The following DNAH7 variants were observed in gnomAD, a reference collection of about 807,000 sequenced individuals.
DNAH7 encodes the protein dynein axonemal heavy chain 7.
Under a neutral mutation model 444.6 loss-of-function variants are expected in DNAH7, and 397 were observed. The ratio of observed to expected loss-of-function variants is 0.89; its 90% CI spans 0.82 to 0.97. The LOEUF (loss-of-function observed/expected upper bound fraction) is 0.97, where lower values mean the gene tolerates loss of function less well. Among genes scored for constraint, DNAH7 ranks in the 50% least tolerant of loss-of-function variants. The probability of loss-of-function intolerance (pLI) is 0.00; values close to 1 mark genes in which losing one functional copy is unlikely to be tolerated. For missense variants in DNAH7, 4,902 were observed against 4,800.8 expected, an observed-to-expected ratio of 1.02 and a Z score of -0.62; for synonymous variants, 1,636 against 1,624.4, an observed-to-expected ratio of 1.01 and a Z score of -0.17.
At chr2:195,824,541 A>T (rs1284903632) in intron 48 of DNAH7, 96 bp from the exon 49 acceptor site, 1 of 1,086,480 alleles carries the variant, frequency 9.2e-7, no homozygotes, top group Non-Finnish European at 1.3e-6. Flanking sequence ...CCTTATAGAT[A>T]AATTCTGTTC....
chr2:195,944,606 A>T (rs902069390), intron 19 of DNAH7, among the ~76,000 whole-genome samples: 7 of 152,034 alleles, frequency 4.6e-5, no homozygotes, highest in South Asian at 2.1e-4. Context: ...AGTTTTCACC[A>T]CCCCATGCTT....
At chr2:195,852,915 CAGAGAGAGAGAGAG>C (rs201538951) in intron 46 of DNAH7, among the ~76,000 whole-genome samples, 1 of 84,584 alleles carries the variant, frequency 1.2e-5, no homozygotes, top group Admixed American at 1.3e-4. Flanking sequence ...CACACACACA[CAGAGAGAGAGAGAG>C]AGAGAGAGAG....
chr2:195,992,404 C>A (rs1296122345), intron 12 of DNAH7, among the ~76,000 whole-genome samples: 1 of 152,190 alleles, frequency 6.6e-6, no homozygotes, highest in African/African-American at 2.4e-5. Context: ...CCCATGCACA[C>A]CCACACAAAG....
At chr2:195,900,543 C>G (rs571757182) in intron 27 of DNAH7, 49 bp from the exon 28 acceptor site, 2 of 1,552,436 alleles carry the variant, frequency 1.3e-6, no homozygotes, top group Non-Finnish European at 1.8e-6. Flanking sequence ...ATAAAATAAG[C>G]TAGGCATGGA....
At chr2:195,982,468 T>C (rs908696009) in intron 15 of DNAH7, among the ~76,000 whole-genome samples, 1 of 152,174 alleles carries the variant, frequency 6.6e-6, no homozygotes, top group Non-Finnish European at 1.5e-5. Context: ...GATCCAGCAA[T>C]CCCACTGCTG....
chr2:195,740,986 G>C lies in DNAH7; in HGVS notation c.11765-117C>G, dbSNP rs1259226382. 1.1e-5 allele frequency: 5 copies of C among 440,270 alleles called. No homozygotes were observed. The East Asian group carries it at 2.0e-4, about 18-fold the overall frequency. The allele number at this position is 440,270 out of a possible 1,614,324, so 27.3% of individuals were successfully genotyped here. A position where few individuals can be genotyped will look rare whatever the true frequency, so the allele number is the denominator to read the frequency against. ...AGGTGATACTAGATTTGCAGCCTAA[G>C]ATTTGTTCTCCAATGAAAGCAATCT... On this transcript the variant is annotated intron_variant, in intron 63 of 64. Transcript: ENST00000312428.
At chr2:196,022,395 G>C (rs1695436939) in intron 8 of DNAH7, among the ~76,000 whole-genome samples, 3 of 152,122 alleles carry the variant, frequency 2.0e-5, no homozygotes, top group Admixed American at 6.5e-5. Flanking sequence ...TTTCAAAATT[G>C]GAATCAATCC....
chr2:195,806,313 G>A (rs1453603102), intron 54 of DNAH7, among the ~76,000 whole-genome samples: 1 of 152,026 alleles, frequency 6.6e-6, no homozygotes, highest in Non-Finnish European at 1.5e-5. Context: ...CAATAATGAC[G>A]AATGTCTTAA....
chr2:195,934,600 G>A lies in DNAH7; in HGVS notation c.3462C>T (p.Ser1154=). ...CAGTATAATCAGCTACCTTGTGGAT[G>A]GAGTTAATCATAACTCTCTCTAATT... ...LVELERVMIN[S]IHKVTGDATF... is the part of the protein sequence containing the mutation. Residue 1154 remains serine, a synonymous_variant, in exon 21 of 65, where the codon TCC becomes TCT. Coordinates refer to ENST00000312428, the MANE Select transcript of DNAH7 (RefSeq NM_018897.3). 6.2e-7 allele frequency: 1 copy of A among 1,613,782 alleles called. No homozygotes were observed. The highest frequency in any genetic ancestry group is 2.2e-5 in the East Asian group (1 of 44,872).
chr2:196,010,006 G>A (rs1489841335), intron 10 of DNAH7, among the ~76,000 whole-genome samples: 1 of 152,142 alleles, frequency 6.6e-6, no homozygotes, highest in African/African-American at 2.4e-5. Flanking sequence ...AGCACACTGA[G>A]ATATTATCTC....
At chr2:195,846,222 CAG>C in intron 46 of DNAH7, among the ~76,000 whole-genome samples, 1 of 152,226 alleles carries the variant, frequency 6.6e-6, no homozygotes, top group Middle Eastern at 3.4e-3. Context: ...TACTTCTCAA[CAG>C]AAGACATACA....
chr2:195,929,055 C>T (rs1023504400), intron 21 of DNAH7, among the ~76,000 whole-genome samples: 6 of 152,032 alleles, frequency 3.9e-5, no homozygotes, highest in Admixed American at 3.3e-4. Context: ...GTACAAAAAT[C>T]GGTAACATTT....
At chr2:196,068,510 G>A in intron 1 of DNAH7, 187 bp downstream of exon 1, 1 of 755,464 alleles carries the variant, frequency 1.3e-6, no homozygotes, top group Non-Finnish European at 2.0e-6. Context: ...CAAACAGCTG[G>A]GAAGGGAACT....
intron 2 of DNAH7, among the ~76,000 whole-genome samples, chr2:196,055,257 C>T (rs1697732939): frequency 2.6e-5 from 4 of 151,884 alleles, no homozygotes; most frequent in Admixed American, 2.6e-4. Flanking sequence ...TGGTGAGGCT[C>T]ACATAAGCCC....
At chr2:195,989,806 G>A (rs969550843) in intron 12 of DNAH7, among the ~76,000 whole-genome samples, 2 of 152,140 alleles carry the variant, frequency 1.3e-5, no homozygotes, top group Non-Finnish European at 2.9e-5. Flanking sequence ...TCCTGCTCCT[G>A]CCACGTGAGA....
chr2:195,972,655 A>C (rs1032068176), intron 15 of DNAH7, among the ~76,000 whole-genome samples, 189 bp from the exon 16 acceptor site: 50 of 152,208 alleles, frequency 3.3e-4, no homozygotes, highest in African/African-American at 1.2e-3. Flanking sequence ...ACAACAACAA[A>C]AAAAAAGAAA....
chr2:195,806,937 C>T, intron 53 of DNAH7, 105 bp from the exon 54 acceptor site: 1 of 761,886 alleles, frequency 1.3e-6, no homozygotes, highest in Non-Finnish European at 2.0e-6. Flanking sequence ...ATCAAGAATG[C>T]TTGTCTAAAT....
At position 196,051,057 on chromosome 2, in the gene DNAH7, C is replaced by A; in HGVS notation, c.141+130G>T. ...ATAGTTATTTGTCCTAATATGCACACCTCATAGAATTTCTCCATCAGAAAA... is the reference window on the plus strand; with the variant it reads ...ATAGTTATTTGTCCTAATATGCACAACTCATAGAATTTCTCCATCAGAAAA... On this transcript the variant is annotated intron_variant, in intron 3 of 64. Transcript: ENST00000312428. 20 of 783,326 alleles carry A rather than the reference C, an allele frequency of 2.6e-5. 1 individual carries two copies. The Admixed American group carries it at 3.5e-4, about 14-fold the overall frequency. The allele number at this position is 783,326 out of a possible 1,614,324, so 48.5% of individuals were successfully genotyped here. A position where few individuals can be genotyped will look rare whatever the true frequency, so the allele number is the denominator to read the frequency against.
intron 60 of DNAH7, among the ~76,000 whole-genome samples, chr2:195,773,986 T>C (rs769026914): frequency 2.6e-5 from 4 of 152,254 alleles, no homozygotes; most frequent in African/African-American, 9.6e-5. Flanking sequence ...TGAATTGTGA[T>C]AAACCCAATC....
Sources: allele counts gnomAD v4.1 joint callset (sites outside exome capture counted in the v4.1 genomes callset), GRCh38; gene constraint gnomAD v4.1.1; transcripts MANE v1.5; gene names NCBI Gene and HGNC (gene_info 2026-07-23, HGNC 2026-07-21).